STAU1: variants seen among roughly 807,000 people sequenced by gnomAD.
STAU1 encodes double-stranded RNA-binding protein Staufen homolog 1.
Under a neutral mutation model 62.9 loss-of-function variants are expected in STAU1, and 13 were observed. The ratio of observed to expected loss-of-function variants is 0.21; its 90% CI spans 0.13 to 0.33. STAU1 has a LOEUF of 0.33. Ranked by LOEUF, STAU1 falls within the 10% of genes least tolerant of loss-of-function variation. The pLI, the probability that STAU1 is intolerant of heterozygous loss-of-function variation, is 1.00. For missense variants in STAU1, 571 were observed against 712.1 expected, an observed-to-expected ratio of 0.80 and a Z score of 2.25; for synonymous variants, 269 against 265.1, an observed-to-expected ratio of 1.01 and a Z score of -0.14.
At chr20:49,204,130 T>A in the STAU1 span, among the ~76,000 whole-genome samples, 50,299 of 151,882 alleles carry the variant, frequency 0.33, 9,338 homozygotes, top group Middle Eastern at 0.47. Flanking sequence ...ATTTACTTTT[T>A]TTTTTTTTAG....
the STAU1 span, among the ~76,000 whole-genome samples, chr20:49,200,473 C>T: frequency 7.9e-5 from 12 of 151,954 alleles, no homozygotes; most frequent in South Asian, 1.0e-3. Context: ...TGGTGGCGGG[C>T]GCCTGTAGTC....
intron 3 of STAU1, among the ~76,000 whole-genome samples, chr20:49,154,694 TC>T (rs2093327770): frequency 6.6e-6 from 1 of 151,882 alleles, no homozygotes; most frequent in Non-Finnish European, 1.5e-5. Context: ...TGAAACCCTA[TC>T]TCTACTAAAA....
At chr20:49,157,813 G>C (rs1281634807) in intron 3 of STAU1, among the ~76,000 whole-genome samples, 3 of 151,958 alleles carry the variant, frequency 2.0e-5, no homozygotes, top group Non-Finnish European at 4.4e-5. Flanking sequence ...TGCGGAGGCA[G>C]GGTCTCCCTA....
chr20:49,113,475 G>T lies in STAU1; in HGVS notation c.*1403C>A, dbSNP rs1387501950. 2 of 152,568 alleles carry T rather than the reference G, an allele frequency of 1.3e-5. No homozygotes were observed. The highest frequency in any genetic ancestry group is 4.8e-5 in the African/African-American group (2 of 41,426). The allele number at this position is 152,568 out of a possible 1,614,324, so 9.5% of individuals were successfully genotyped here. On this transcript the variant is annotated 3_prime_UTR_variant, in exon 14 of 14. Coordinates refer to ENST00000371856, the MANE Select transcript of STAU1 (RefSeq NM_017453.4). ...AAAAAGGATAGGGGCAAGTTGGGAG[G>T]GGACCAACCTAGCAGTAGTGGCATT...
Position 49,126,588 on chromosome 20 carries a change from C to CAAAAAAAAAAAACAAAAAAAAACCAA in STAU1, c.610-2002_610-2001insTTGGTTTTTTTTTGTTTTTTTTTTTT. On this transcript the variant is annotated intron_variant, in intron 6 of 13. Transcript: ENST00000371856. Reference sequence around the variant, plus strand: ...GTCTCAAAAAGCAAAAAAAAAAAAACAAAAAAAAAACAAAAAAACTTAAAA... The same window carrying CAAAAAAAAAAAACAAAAAAAAACCAA: ...GTCTCAAAAAGCAAAAAAAAAAAAACAAAAAAAAAAAACAAAAAAAAACCAAAAAAAAAAAACAAAAAAACTTAAAA... 5.3e-5 allele frequency among the ~76,000 whole-genome samples: 3 copies of CAAAAAAAAAAAACAAAAAAAAACCAA among 56,380 alleles called. No individual in the cohort carries two copies. The East Asian group carries it at 1.2e-3, about 22-fold the overall frequency. The allele number at this position is 56,380 out of a possible 152,430, so 37.0% of individuals were successfully genotyped here.
the STAU1 span, among the ~76,000 whole-genome samples, chr20:49,196,922 C>T: frequency 6.6e-6 from 1 of 152,078 alleles, no homozygotes; most frequent in Non-Finnish European, 1.5e-5. Flanking sequence ...TTTGGGAGGC[C>T]GAGGCAGGCG....
chr20:49,151,795 T>A (rs1432502919), intron 4 of STAU1, 48 bp from the exon 5 acceptor site: 26 of 1,553,464 alleles, frequency 1.7e-5, no homozygotes, highest in Non-Finnish European at 2.1e-5. Flanking sequence ...AGTTGATAAG[T>A]CACCTATACA....
chr20:49,126,809 A>G (rs1397606420), intron 6 of STAU1, among the ~76,000 whole-genome samples: 1 of 151,940 alleles, frequency 6.6e-6, no homozygotes, highest in Non-Finnish European at 1.5e-5. Flanking sequence ...AACAAATTAA[A>G]AATCTCTTAA....
At position 49,123,357 on chromosome 20, in the gene STAU1, ATTTTT is replaced by A. The variant is rs1027981499; in HGVS notation, c.823-127_823-123del. 4.4e-6 allele frequency: 5 copies of A among 1,124,568 alleles called. No homozygotes were observed. The African/African-American group carries it at 6.3e-5, about 14-fold the overall frequency. 69.7% of individuals were successfully genotyped at this position (1,124,568 alleles called of 1,614,324 possible). ...GGTTGACCTAATGGCTCAGAATTCG[ATTTTT>A]TTTAATTTAACATTTTAACAATGAA... is the stretch of plus-strand genomic sequence containing the variant. On this transcript the variant is annotated intron_variant, in intron 7 of 13. Coordinates refer to ENST00000371856, the MANE Select transcript of STAU1 (RefSeq NM_017453.4).
At chr20:49,192,007 C>T (rs1321832614), upstream of STAU1, among the ~76,000 whole-genome samples, 2 of 151,242 alleles carry the variant, frequency 1.3e-5, no homozygotes, top group Admixed American at 1.3e-4. Flanking sequence ...GCTGAGATCA[C>T]GCCACTGTAT....
intron 6 of STAU1, among the ~76,000 whole-genome samples, chr20:49,132,874 C>T (rs1480723882): frequency 6.6e-6 from 1 of 152,174 alleles, no homozygotes; most frequent in Non-Finnish European, 1.5e-5. Flanking sequence ...GATTTAATTA[C>T]CAAAAACTTA....
Position 49,114,605 on chromosome 20 carries a change from G to T in STAU1, c.*273C>A. ...ATCTGCTGGTGTCCCGGGAGAACCA[G>T]CTGGCTGGGCAGCCCTTCTTCCCCA... On this transcript the variant is annotated 3_prime_UTR_variant, in exon 14 of 14. Transcript: ENST00000371856. 1 of 428,258 alleles carries T rather than the reference G, an allele frequency of 2.3e-6. No homozygotes were observed. Among genetic ancestry groups the T allele is most frequent in the Non-Finnish European group, 4.2e-6 (1 of 237,766 alleles). The allele number at this position is 428,258 out of a possible 1,614,324, so 26.5% of individuals were successfully genotyped here. A position where few individuals can be genotyped will look rare whatever the true frequency, so the allele number is the denominator to read the frequency against.
the STAU1 span, among the ~76,000 whole-genome samples, chr20:49,214,354 C>T: frequency 5.3e-5 from 8 of 152,194 alleles, no homozygotes; most frequent in East Asian, 3.9e-4. Context: ...CCCGTCACTA[C>T]TAAACATACA....
intron 5 of STAU1, among the ~76,000 whole-genome samples, chr20:49,139,585 G>A (rs764507992): frequency 7.3e-5 from 11 of 151,598 alleles, no homozygotes; most frequent in Non-Finnish European, 1.0e-4. Context: ...AACTAGCCGG[G>A]TGTGGTAGCA....
chr20:49,156,940 G>A lies in STAU1; in HGVS notation c.206-2869C>T, dbSNP rs150783893. ...TCCCCAGGTTAGAGTGCAGTGGTGTGATCTTGGCTCAATGCAACCTCCACC... is the reference window on the plus strand; with the variant it reads ...TCCCCAGGTTAGAGTGCAGTGGTGTAATCTTGGCTCAATGCAACCTCCACC... On this transcript the variant is annotated intron_variant, in intron 3 of 13. Coordinates refer to ENST00000371856, the MANE Select transcript of STAU1 (RefSeq NM_017453.4). Among the ~76,000 whole-genome samples, 248 of 151,404 alleles carry A rather than the reference G, an allele frequency of 1.6e-3. 1 individual carries two copies. Among genetic ancestry groups the A allele is most frequent in the African/African-American group, 5.8e-3 (240 of 41,180 alleles).
At chr20:49,126,551 G>A (rs1416511649) in intron 6 of STAU1, among the ~76,000 whole-genome samples, 3 of 24,332 alleles carry the variant, frequency 1.2e-4, no homozygotes, top group South Asian at 8.8e-4. Flanking sequence ...CTGGGCAACA[G>A]AGCAAAACCT....
chr20:49,166,246 A>G lies in STAU1; in HGVS notation c.-45T>C. On this transcript the variant is annotated 5_prime_UTR_variant, in exon 3 of 14. Transcript: ENST00000371856. Reference sequence around the variant, plus strand: ...GAACAAATGCAGGTAAACAGCTTTCAGTGCAGGTTAATTCAGTGCTATGAA... The same window carrying G: ...GAACAAATGCAGGTAAACAGCTTTCGGTGCAGGTTAATTCAGTGCTATGAA... 6.4e-7 allele frequency: 1 copy of G among 1,568,814 alleles called. No individual in the cohort carries two copies. Among genetic ancestry groups the G allele is most frequent in the African/African-American group, 1.3e-5 (1 of 74,076 alleles).
chr20:49,216,033 A>AAAAAAAAG, the STAU1 span, among the ~76,000 whole-genome samples: 1 of 104,530 alleles, frequency 9.6e-6, no homozygotes, highest in Non-Finnish European at 1.8e-5. Flanking sequence ...AAAAAAAAAA[A>AAAAAAAAG]AAGAAGAAGA....
chr20:49,156,616 C>G (rs1456215985), intron 3 of STAU1, among the ~76,000 whole-genome samples: 1 of 152,156 alleles, frequency 6.6e-6, no homozygotes, highest in Admixed American at 6.5e-5. Context: ...CTTTTTAATA[C>G]CAGTTCACTC....
Sources: gnomAD v4.1 joint callset for allele counts (sites outside exome capture counted in the v4.1 genomes callset) on GRCh38, gnomAD v4.1.1 for gene constraint, MANE v1.5 for transcripts, NCBI Gene and HGNC (gene_info 2026-07-23, HGNC 2026-07-21) for gene names.